Variants in FAM13A observed in about 807,000 individuals in gnomAD.
The protein encoded by FAM13A is protein FAM13A.
In FAM13A, 76 loss-of-function variants were observed where a neutral mutation model predicts 129.6. The ratio of observed to expected loss-of-function variants is 0.59; its 90% CI spans 0.49 to 0.71. The LOEUF (loss-of-function observed/expected upper bound fraction) is 0.71, where lower values mean the gene tolerates loss of function less well. FAM13A is among the 30% of genes least tolerant of loss of function. FAM13A has a pLI of 0.00. For synonymous variants in FAM13A, 443 were observed against 449.9 expected (o/e 0.98, Z 0.20); for missense variants, 1,108 against 1,249.3 (o/e 0.89, Z 1.70).
At chr4:88,894,974 G>C (rs1746031833) in intron 6 of FAM13A, among the ~76,000 whole-genome samples, 1 of 152,022 alleles carries the variant, frequency 6.6e-6, no homozygotes, top group Non-Finnish European at 1.5e-5. Context: ...ATATTCAAAA[G>C]TTATTCTTTA....
chr4:88,994,488 G>A (rs1763288449), intron 3 of FAM13A, among the ~76,000 whole-genome samples: 1 of 152,182 alleles, frequency 6.6e-6, no homozygotes, highest in Admixed American at 6.5e-5. Flanking sequence ...CATGGGGGCA[G>A]TGGTGGTACA....
At position 89,012,710 on chromosome 4, in the gene FAM13A, T is replaced by G. The variant is rs533288862; in HGVS notation, c.427+7750A>C. On this transcript the variant is annotated intron_variant, in intron 3 of 23. Transcript: ENST00000264344. ...ATCCAGACTGTTCTCACTGGCAGTT[T>G]GGTTTAGCCTAAATGTCTGAAAAAA... 5.3e-5 allele frequency among the ~76,000 whole-genome samples: 8 copies of G among 152,298 alleles called. No individual in the cohort carries two copies. In the East Asian group the frequency reaches 1.2e-3, roughly 22 times the overall value.
chr4:88,992,369 C>A (rs745894654), intron 3 of FAM13A, among the ~76,000 whole-genome samples: 1 of 151,706 alleles, frequency 6.6e-6, no homozygotes, highest in African/African-American at 2.4e-5. Context: ...TGGGTTCAAG[C>A]GATTCTCCTG....
chr4:88,763,179 A>G (rs1033562343), intron 13 of FAM13A, among the ~76,000 whole-genome samples: 7 of 152,208 alleles, frequency 4.6e-5, no homozygotes, highest in Non-Finnish European at 1.0e-4. Flanking sequence ...AGACTTTGTA[A>G]GGTTTGTAAA....
chr4:88,747,964 A>T (rs7658214), intron 17 of FAM13A, 113 bp from the exon 18 acceptor site: 9 of 699,542 alleles, frequency 1.3e-5, no homozygotes, highest in Admixed American at 8.3e-5. Flanking sequence ...ATCTCGGCTC[A>T]CTGCAAGCTC....
At chr4:88,912,354 T>C (rs988673065) in intron 5 of FAM13A, among the ~76,000 whole-genome samples, 1 of 152,152 alleles carries the variant, frequency 6.6e-6, no homozygotes, top group African/African-American at 2.4e-5. Context: ...TCCCCTGCTC[T>C]TGGACATTAA....
intron 7 of FAM13A, among the ~76,000 whole-genome samples, chr4:88,829,567 A>G (rs2149873510): frequency 6.6e-6 from 1 of 152,370 alleles, no homozygotes; most frequent in East Asian, 1.9e-4. Flanking sequence ...CATGAAGCCA[A>G]GATTTTTAGT....
At chr4:89,029,898 A>T (rs942305365) in intron 1 of FAM13A, 1 of 476,096 alleles carries the variant, frequency 2.1e-6, no homozygotes, top group African/African-American at 2.0e-5. Flanking sequence ...GGAGCAATAC[A>T]CTGCCGTATC....
At position 89,020,510 on chromosome 4, in the gene FAM13A, T is replaced by C; in HGVS notation, c.377A>G (p.Asp126Gly). Residue 126 changes from aspartate to glycine, a missense_variant, in exon 3 of 24, where the codon GAC becomes GGC. Around this residue, in one of 3 missense-constraint regions of FAM13A, gnomAD observed 566 missense variants for 595.7 expected, o/e 0.95. Coordinates refer to ENST00000264344, the MANE Select transcript of FAM13A (RefSeq NM_014883.4). ...LLKLFLRELPDSLITSALQPR... is the reference protein window; with the variant it reads ...LLKLFLRELPGSLITSALQPR... Reference sequence around the variant, plus strand: ...CTGCAACGCTGAGGTGATCAGACTGTCAGGCAGCTCCCTCAGAAACAGCTT... The same window carrying C: ...CTGCAACGCTGAGGTGATCAGACTGCCAGGCAGCTCCCTCAGAAACAGCTT... 6.2e-7 allele frequency: 1 copy of C among 1,614,082 alleles called. No homozygotes were observed. The highest frequency in any genetic ancestry group is 8.5e-7 in the Non-Finnish European group (1 of 1,179,996).
At chr4:88,991,706 T>G (rs1488646157) in intron 3 of FAM13A, among the ~76,000 whole-genome samples, 1 of 152,196 alleles carries the variant, frequency 6.6e-6, no homozygotes, top group East Asian at 1.9e-4. Flanking sequence ...CTAAACTTAG[T>G]GATCAAGGTA....
At chr4:88,926,268 C>G (rs1241644446) in intron 5 of FAM13A, among the ~76,000 whole-genome samples, 1 of 152,076 alleles carries the variant, frequency 6.6e-6, no homozygotes, top group Non-Finnish European at 1.5e-5. Context: ...GCACTTCCAG[C>G]CCACAGAAGT....
At chr4:88,988,865 C>A (rs1762585284) in intron 4 of FAM13A, among the ~76,000 whole-genome samples, 2 of 152,134 alleles carry the variant, frequency 1.3e-5, no homozygotes, top group African/African-American at 4.8e-5. Context: ...GATGTAGCAA[C>A]AGACAGTAAC....
chr4:88,886,021 C>T (rs1030027063), intron 6 of FAM13A, among the ~76,000 whole-genome samples: 2 of 149,022 alleles, frequency 1.3e-5, no homozygotes, highest in Non-Finnish European at 3.0e-5. Context: ...AAAAAATAGA[C>T]GTTGGCATGG....
At chr4:88,952,007 C>T (rs562726650) in intron 4 of FAM13A, among the ~76,000 whole-genome samples, 1 of 152,186 alleles carries the variant, frequency 6.6e-6, no homozygotes, top group East Asian at 1.9e-4. Flanking sequence ...AAGTTACTTT[C>T]CTCTTTGTAC....
At chr4:88,994,839 A>G (rs1579675998) in intron 3 of FAM13A, among the ~76,000 whole-genome samples, 1 of 15,790 alleles carries the variant, frequency 6.3e-5, no homozygotes, top group African/African-American at 2.3e-4. Flanking sequence ...AGACCCTGTC[A>G]AAAAAAAAAA....
intron 4 of FAM13A, among the ~76,000 whole-genome samples, chr4:88,954,626 G>A (rs1757455105): frequency 6.6e-6 from 1 of 152,204 alleles, no homozygotes. Flanking sequence ...GCTCATGCCT[G>A]TAATCCCAGC....
chr4:88,935,488 A>G (rs530776267), intron 5 of FAM13A, among the ~76,000 whole-genome samples: 60 of 152,280 alleles, frequency 3.9e-4, no homozygotes, highest in African/African-American at 1.4e-3. Flanking sequence ...TTGGGTCTTT[A>G]TCATTTACTT....
intron 6 of FAM13A, among the ~76,000 whole-genome samples, chr4:88,882,454 T>C (rs1323960360): frequency 1.3e-5 from 2 of 152,070 alleles, no homozygotes; most frequent in African/African-American, 4.8e-5. Context: ...CAATACAATC[T>C]TTTTCAGACA....
At chr4:88,780,185 G>T (rs1722576600) in intron 11 of FAM13A, among the ~76,000 whole-genome samples, 1 of 151,936 alleles carries the variant, frequency 6.6e-6, no homozygotes, top group Non-Finnish European at 1.5e-5. Context: ...GACATTATGG[G>T]GGGAAAAAAA....
Sources: allele counts gnomAD v4.1 joint callset (sites outside exome capture counted in the v4.1 genomes callset), GRCh38; gene constraint gnomAD v4.1.1; regional missense constraint gnomAD v4.1.1; transcripts MANE v1.5; gene names NCBI Gene and HGNC (gene_info 2026-07-23, HGNC 2026-07-21).